Variants in MBD2 observed in about 807,000 individuals in gnomAD.
MBD2 encodes methyl-CpG binding domain protein 2, also known as methyl-CpG-binding domain protein 2.
MBD2 carries 9 observed loss-of-function variants against 39.3 expected under a neutral mutation model. The observed-to-expected ratio is 0.23, with a 90% confidence interval of 0.14 to 0.40. The LOEUF is 0.40. Ranked by LOEUF, MBD2 falls within the 10% of genes least tolerant of loss-of-function variation. MBD2 has a pLI of 1.00. For synonymous variants in MBD2, 233 were observed against 211.1 expected, an observed-to-expected ratio of 1.10 and a Z score of -0.90; for missense variants, 458 against 532.6, an observed-to-expected ratio of 0.86 and a Z score of 1.38.
intron 3 of MBD2, among the ~76,000 whole-genome samples, chr18:54,181,039 A>G (rs1039794724): frequency 2.0e-5 from 3 of 151,116 alleles, no homozygotes; most frequent in Non-Finnish European, 2.9e-5. Context: ...GACTACAGGC[A>G]CGCGCCACCA....
At chr18:54,207,574 G>C (rs1456997281) in intron 1 of MBD2, among the ~76,000 whole-genome samples, 2 of 151,882 alleles carry the variant, frequency 1.3e-5, no homozygotes, top group African/African-American at 4.8e-5. Flanking sequence ...AGACACAATG[G>C]GATAAATATT....
chr18:54,186,938 C>T (rs974628461), intron 3 of MBD2, among the ~76,000 whole-genome samples: 5 of 152,154 alleles, frequency 3.3e-5, no homozygotes, highest in African/African-American at 9.7e-5. Context: ...TAATCTCATA[C>T]ACCATAATAA....
chr18:54,202,783 A>G, intron 2 of MBD2: 1 of 1,527,656 alleles, frequency 6.5e-7, no homozygotes, highest in Middle Eastern at 2.5e-4. Context: ...AATATTAAGT[A>G]CCTACCGTGT....
chr18:54,181,899 C>G (rs2086254238), intron 3 of MBD2, among the ~76,000 whole-genome samples: 1 of 152,216 alleles, frequency 6.6e-6, no homozygotes, highest in Non-Finnish European at 1.5e-5. Flanking sequence ...AGTCCTCATA[C>G]TATATACAAT....
Position 54,166,153 on chromosome 18 carries a change from T to C in MBD2, c.854A>G (p.Lys285Arg). Residue 285 changes from lysine to arginine, a missense_variant, in exon 4 of 7, where the codon AAG (lysine) becomes AGG (arginine). By Grantham distance (26) the Lys-to-Arg change is conservative. Around this residue, in one of 2 missense-constraint regions of MBD2, gnomAD observed 189 missense variants for 296.6 expected, o/e 0.64. Coordinates refer to ENST00000256429, the MANE Select transcript of MBD2 (RefSeq NM_003927.5). ...NEQPRQLFWE[K>R]RLQGLSASDV... ...TGATGCACTAAGTCCTTGTAGCCTC[T>C]TCTCCCAGAAAAGCTGTAAGGCAAA... The C allele has an allele frequency of 1.2e-6, 2 of 1,613,144 alleles. No individual in the cohort carries two copies. The highest frequency in any genetic ancestry group is 2.2e-5 in the East Asian group (1 of 44,866).
chr18:54,188,042 G>A (rs1179666145), intron 3 of MBD2, among the ~76,000 whole-genome samples: 2 of 152,100 alleles, frequency 1.3e-5, no homozygotes, highest in East Asian at 1.9e-4. Context: ...GATAACCGTC[G>A]TAGGTAAATC....
At chr18:54,202,689 G>A in intron 2 of MBD2, 1 of 1,143,290 alleles carries the variant, frequency 8.7e-7, no homozygotes, top group Non-Finnish European at 1.1e-6. Context: ...ATAATGTACG[G>A]TATAATTTAT....
In MBD2 at chr18:54,168,613, T is replaced by A. The variant is rs371236414; in HGVS notation, c.841-2447A>T. ...TATATATATATTTATGTATGCATATTTGTGTGTGTGTGTGTGTGTGTGTGT... is the reference window on the plus strand; with the variant it reads ...TATATATATATTTATGTATGCATATATGTGTGTGTGTGTGTGTGTGTGTGT... On this transcript the variant is annotated intron_variant, in intron 3 of 6. Transcript: ENST00000256429. 3.5e-4 allele frequency among the ~76,000 whole-genome samples: 41 copies of A among 117,136 alleles called. 1 individual carries two copies. Among genetic ancestry groups the A allele is most frequent in the African/African-American group, 9.0e-4 (25 of 27,916 alleles). 76.8% of individuals were successfully genotyped at this position (117,136 alleles called of 152,430 possible). A position where few individuals can be genotyped will look rare whatever the true frequency, so the allele number is the denominator to read the frequency against.
chr18:54,168,756 G>A (rs980466910), intron 3 of MBD2, among the ~76,000 whole-genome samples: 3 of 150,856 alleles, frequency 2.0e-5, no homozygotes, highest in Non-Finnish European at 4.4e-5. Flanking sequence ...ACACTTAACT[G>A]GTCAAGGTCA....
intron 1 of MBD2, among the ~76,000 whole-genome samples, chr18:54,221,086 C>G (rs573929429): frequency 6.6e-6 from 1 of 152,276 alleles, no homozygotes; most frequent in African/African-American, 2.4e-5. Flanking sequence ...AAAAGACTTT[C>G]ATTTTAGAGA....
Position 54,223,997 on chromosome 18 carries a change from TCCCCG to T in MBD2, c.542+16_542+20del. 1 of 416,206 alleles carries T rather than the reference TCCCCG, an allele frequency of 2.4e-6. No individual in the cohort carries two copies. The highest frequency in any genetic ancestry group is 3.9e-6 in the Non-Finnish European group (1 of 257,740). 25.8% of individuals were successfully genotyped at this position (416,206 alleles called of 1,614,324 possible). ...ACCCCGGCCTGACCCCGCCACCCCC[TCCCCG>T]CCCCCAGGGAGGTACCTGAAGTAGT... On this transcript the variant is annotated intron_variant, in intron 1 of 6. Coordinates refer to ENST00000256429, the MANE Select transcript of MBD2 (RefSeq NM_003927.5).
chr18:54,209,877 C>T (rs954615743), intron 1 of MBD2, among the ~76,000 whole-genome samples: 4 of 152,170 alleles, frequency 2.6e-5, no homozygotes, highest in Non-Finnish European at 4.4e-5. Context: ...AGTTTAATCA[C>T]CTGTCTACCC....
At chr18:54,203,859 T>G (rs1213650870) in intron 2 of MBD2, among the ~76,000 whole-genome samples, 1 of 152,200 alleles carries the variant, frequency 6.6e-6, no homozygotes, top group African/African-American at 2.4e-5. Context: ...GCAAAGGAAT[T>G]AACATAGGTC....
chr18:54,206,572 A>G (rs960458801), intron 1 of MBD2, among the ~76,000 whole-genome samples: 8 of 152,242 alleles, frequency 5.3e-5, no homozygotes, highest in African/African-American at 1.9e-4. Flanking sequence ...GAAAACTTCT[A>G]TCTGGGTCAA....
intron 1 of MBD2, among the ~76,000 whole-genome samples, chr18:54,206,445 G>A (rs1201046973): frequency 6.6e-6 from 1 of 152,188 alleles, no homozygotes; most frequent in Non-Finnish European, 1.5e-5. Context: ...AGAAGCCAAT[G>A]TGTCACATTT....
intron 1 of MBD2, 34 bp downstream of exon 1, chr18:54,223,984 C>G: frequency 2.2e-6 from 3 of 1,362,858 alleles, no homozygotes; most frequent in Non-Finnish European, 3.1e-6. Context: ...CCCGGCCTGA[C>G]CCCGCCACCC....
intron 6 of MBD2, among the ~76,000 whole-genome samples, chr18:54,155,571 A>C (rs2086046543): frequency 6.6e-6 from 1 of 152,238 alleles, no homozygotes. Context: ...TTCTATGTTT[A>C]TGCAAATATT....
intron 3 of MBD2, among the ~76,000 whole-genome samples, chr18:54,174,558 G>C (rs1283548362): frequency 1.3e-5 from 2 of 152,182 alleles, no homozygotes; most frequent in Non-Finnish European, 2.9e-5. Context: ...ATTCTGGAAA[G>C]TAAGATAAAG....
chr18:54,182,640 C>T (rs970251611), intron 3 of MBD2, among the ~76,000 whole-genome samples: 1 of 152,112 alleles, frequency 6.6e-6, no homozygotes, highest in Non-Finnish European at 1.5e-5. Flanking sequence ...ACTATTAACA[C>T]TATCAGACCA....
Sources: allele counts gnomAD v4.1 joint callset (sites outside exome capture counted in the v4.1 genomes callset), GRCh38; gene constraint gnomAD v4.1.1; regional missense constraint gnomAD v4.1.1; transcripts MANE v1.5; gene names NCBI Gene and HGNC (gene_info 2026-07-23, HGNC 2026-07-21).